The following GCNT1 variants were observed in gnomAD, a reference collection of about 807,000 sequenced individuals.
The protein encoded by GCNT1 is beta-1,3-galactosyl-O-glycosyl-glycoprotein beta-1,6-N-acetylglucosaminyltransferase.
In GCNT1, 16 loss-of-function variants were observed where a neutral mutation model predicts 26.2. The observed-to-expected ratio is 0.61, with a 90% CI of 0.41 to 0.93. The LOEUF (loss-of-function observed/expected upper bound fraction) is 0.93, where lower values mean the gene tolerates loss of function less well. Ranked by LOEUF, GCNT1 falls within the 40% of genes least tolerant of loss-of-function variation. GCNT1 has a pLI of 0.00. For missense variants in GCNT1, 477 were observed against 526.7 expected, an observed-to-expected ratio of 0.91 and a Z score of 0.92; for synonymous variants, 183 against 190.8, an observed-to-expected ratio of 0.96 and a Z score of 0.34.
intron 2 of GCNT1, among the ~76,000 whole-genome samples, chr9:76,465,813 G>A (rs989306260): frequency 2.6e-5 from 4 of 152,224 alleles, no homozygotes; most frequent in African/African-American, 7.2e-5. Flanking sequence ...ATTTGGATAT[G>A]GTTGATGGAG....
chr9:76,405,065 C>T, the GCNT1 span, among the ~76,000 whole-genome samples: 2 of 151,920 alleles, frequency 1.3e-5, no homozygotes, highest in Non-Finnish European at 2.9e-5. Context: ...ATGATCTGCC[C>T]GCCTCAGCCT....
the GCNT1 span, chr9:76,394,564 G>A: frequency 6.1e-6 from 1 of 163,732 alleles, no homozygotes; most frequent in Non-Finnish European, 1.3e-5. Flanking sequence ...TCATGGCCCC[G>A]CCCCGCCGCT....
chr9:76,436,780 T>C (rs947052456), upstream of GCNT1, among the ~76,000 whole-genome samples: 1 of 152,114 alleles, frequency 6.6e-6, no homozygotes, highest in African/African-American at 2.4e-5. Flanking sequence ...CAATGGATAG[T>C]TGAATGCTGA....
upstream of GCNT1, among the ~76,000 whole-genome samples, chr9:76,458,570 A>G (rs1268331993): frequency 2.0e-5 from 3 of 152,196 alleles, no homozygotes; most frequent in Non-Finnish European, 4.4e-5. Flanking sequence ...CACAGACACA[A>G]TATTCCCCTT....
At chr9:76,473,436 GAA>G (rs1824183896) in intron 2 of GCNT1, among the ~76,000 whole-genome samples, 1 of 152,078 alleles carries the variant, frequency 6.6e-6, no homozygotes, top group Non-Finnish European at 1.5e-5. Context: ...TTTGAAGTCT[GAA>G]AAAGTTACCC....
chr9:76,450,436 C>T (rs1369200099), intron 1 of GCNT1, among the ~76,000 whole-genome samples: 1 of 152,194 alleles, frequency 6.6e-6, no homozygotes. Context: ...AAATTTCCTA[C>T]ATAGGATAAA....
At chr9:76,485,985 G>T (rs1824563536) in intron 2 of GCNT1, among the ~76,000 whole-genome samples, 1 of 152,204 alleles carries the variant, frequency 6.6e-6, no homozygotes, top group African/African-American at 2.4e-5. Context: ...GCCTGCCTCG[G>T]CCTCCCAAAG....
chr9:76,506,961 A>G lies in GCNT1; in HGVS notation c.*3293A>G, dbSNP rs1025096386. 1.8e-5 allele frequency: 3 copies of G among 167,090 alleles called. No individual in the cohort carries two copies. Among genetic ancestry groups the G allele is most frequent in the African/African-American group, 7.2e-5 (3 of 41,468 alleles). The allele number at this position is 167,090 out of a possible 1,614,324, so 10.4% of individuals were successfully genotyped here. A position where few individuals can be genotyped will look rare whatever the true frequency, so the allele number is the denominator to read the frequency against. ...TCAACTTATGATGTGGGTAGGTCCC[A>G]GTAAACCCATTATAATTTGAAAATA... On this transcript the variant is annotated 3_prime_UTR_variant, in exon 4 of 4. Transcript: ENST00000376730.
chr9:76,480,752 G>C (rs1365063310), intron 2 of GCNT1, among the ~76,000 whole-genome samples: 1 of 151,970 alleles, frequency 6.6e-6, no homozygotes, highest in Non-Finnish European at 1.5e-5. Flanking sequence ...ATGATTACAA[G>C]AAAAAAATTC....
chr9:76,415,504 T>C (rs1220452176), upstream of GCNT1, among the ~76,000 whole-genome samples: 1 of 152,230 alleles, frequency 6.6e-6, no homozygotes, highest in Non-Finnish European at 1.5e-5. Flanking sequence ...GATTTTTCTC[T>C]TGTTAATTTA....
In GCNT1 at chr9:76,502,753, A is replaced by G. The variant is rs749840186; in HGVS notation, c.372A>G (p.Ala124=). The G allele has an allele frequency of 3.1e-6, 5 of 1,614,202 alleles. No individual in the cohort carries two copies. In the Admixed American group the frequency reaches 5.0e-5, roughly 16 times the overall value. The change falls in exon 4 of 4, where the codon GCA becomes GCG. Residue 124 remains alanine, a synonymous_variant. Transcript: ENST00000376730. Reference sequence around the variant, plus strand: ...AAGAAGAGGCGGAGTTTCCAATAGCATATTCTATAGTGGTTCATCACAAGA... The same window carrying G: ...AAGAAGAGGCGGAGTTTCCAATAGCGTATTCTATAGTGGTTCATCACAAGA... ...LSKEEAEFPI[A]YSIVVHHKIE... is the part of the protein sequence containing the mutation.
the GCNT1 span, among the ~76,000 whole-genome samples, chr9:76,405,878 T>C: frequency 6.6e-6 from 1 of 152,238 alleles, no homozygotes; most frequent in Admixed American, 6.5e-5. Context: ...TGTGTGAATA[T>C]AGGTTTTCAA....
intron 1 of GCNT1, among the ~76,000 whole-genome samples, chr9:76,454,180 A>G (rs1386768782): frequency 6.6e-6 from 1 of 151,994 alleles, no homozygotes; most frequent in East Asian, 1.9e-4. Flanking sequence ...CAGGAGTTTG[A>G]GACCAGCCTG....
At chr9:76,429,295 T>C (rs1377432195) in intron 1 of GCNT1, among the ~76,000 whole-genome samples, 1 of 152,206 alleles carries the variant, frequency 6.6e-6, no homozygotes, top group African/African-American at 2.4e-5. Flanking sequence ...CTTGGGCACA[T>C]GTGTGAGATT....
At position 76,503,374 on chromosome 9, in the gene GCNT1, A is replaced by G; in HGVS notation, c.993A>G (p.Glu331=). The G allele has an allele frequency of 1.2e-6, 2 of 1,614,182 alleles. No homozygotes were observed. Among genetic ancestry groups the G allele is most frequent in the Non-Finnish European group, 1.7e-6 (2 of 1,180,038 alleles). ...GGGCCACCATCCAAAGGATTCCTGAAGTCCCGGGCTCACTCCCTGCCAGCC... is the reference window on the plus strand; with the variant it reads ...GGGCCACCATCCAAAGGATTCCTGAGGTCCCGGGCTCACTCCCTGCCAGCC... The part of the protein sequence containing the change: ...YLWATIQRIP[E]VPGSLPASHK... Residue 331 remains glutamate, a synonymous_variant, in exon 4 of 4, where the codon GAA becomes GAG. Coordinates refer to ENST00000376730, the MANE Select transcript of GCNT1 (RefSeq NM_001490.5).
the GCNT1 span, among the ~76,000 whole-genome samples, chr9:76,402,827 G>A: frequency 5.3e-5 from 8 of 151,986 alleles, no homozygotes; most frequent in African/African-American, 1.5e-4. Flanking sequence ...TTACAGGCAC[G>A]CGCCACCACG....
intron 2 of GCNT1, among the ~76,000 whole-genome samples, chr9:76,466,110 G>A (rs192505899): frequency 6.6e-6 from 1 of 152,276 alleles, no homozygotes; most frequent in Admixed American, 6.5e-5. Context: ...CAAAGAGGGT[G>A]TAGAATGAGA....
intron 2 of GCNT1, among the ~76,000 whole-genome samples, chr9:76,488,144 T>A (rs1322944853): frequency 2.0e-5 from 3 of 152,236 alleles, no homozygotes; most frequent in Non-Finnish European, 4.4e-5. Flanking sequence ...TGAAAGTATA[T>A]GCAGTATTCT....
At chr9:76,497,204 G>C (rs1233209648) in intron 2 of GCNT1, among the ~76,000 whole-genome samples, 8 of 152,190 alleles carry the variant, frequency 5.3e-5, no homozygotes, top group Non-Finnish European at 4.4e-5. Context: ...TAATTATTTT[G>C]GTATTTATTC....
Sources: allele counts gnomAD v4.1 joint callset (sites outside exome capture counted in the v4.1 genomes callset), GRCh38; gene constraint gnomAD v4.1.1; transcripts MANE v1.5; gene names NCBI Gene and HGNC (gene_info 2026-07-23, HGNC 2026-07-21).